Variants in BRINP2 observed in about 807,000 individuals in gnomAD.
BRINP2 encodes the protein BMP/retinoic acid-inducible neural-specific protein 2.
BRINP2 carries 21 observed loss-of-function variants against 69.2 expected under a neutral mutation model. That is an observed-to-expected ratio of 0.30 (90% confidence interval 0.22 to 0.44). BRINP2 has a LOEUF of 0.44. Ranked by LOEUF, BRINP2 falls within the 20% of genes least tolerant of loss-of-function variation. The probability of loss-of-function intolerance (pLI) is 1.00; values close to 1 mark genes in which losing one functional copy is unlikely to be tolerated. For missense variants in BRINP2, 877 were observed against 986.0 expected (o/e 0.89, Z 1.48); for synonymous variants, 380 against 394.1 (o/e 0.96, Z 0.42).
At position 177,176,652 on chromosome 1, in the gene BRINP2, G is replaced by C. The variant is rs536319206; in HGVS notation, c.-77+4920G>C. 2.6e-5 allele frequency among the ~76,000 whole-genome samples: 4 copies of C among 151,978 alleles called. No homozygotes were observed. In the South Asian group the frequency reaches 6.2e-4, roughly 24 times the overall value. On this transcript the variant is annotated intron_variant, in intron 1 of 7. Coordinates refer to ENST00000361539, the MANE Select transcript of BRINP2 (RefSeq NM_021165.4). ...AGGAGGAGTTGGTGACATAAAAAGA[G>C]AAAGAACATGGAGGGAGGGGTCAGG...
rs137909419 is a variant in BRINP2 at position 177,273,364 on chromosome 1, G to A, written c.670-124G>A. 8.7e-4 allele frequency: 465 copies of A among 537,224 alleles called. 1 individual carries two copies. Among genetic ancestry groups the A allele is most frequent in the African/African-American group, 4.9e-3 (249 of 51,298 alleles). The allele number at this position is 537,224 out of a possible 1,614,324, so 33.3% of individuals were successfully genotyped here. ...ATACCTCTGGAGTACGAAAAGGGAC[G>A]TATCACTTCTACAGCTGGTCAAGGA... On this transcript the variant is annotated intron_variant, in intron 4 of 7. Transcript: ENST00000361539.
intron 1 of BRINP2, among the ~76,000 whole-genome samples, chr1:177,200,244 A>G (rs942551240): frequency 2.4e-5 from 3 of 125,838 alleles, no homozygotes; most frequent in Non-Finnish European, 4.8e-5. Flanking sequence ...GTGAGCTGAG[A>G]TTGCGCCCTT....
rs116235253 is a variant in BRINP2, at chr1:177,185,037, C to T, written c.-77+13305C>T. On this transcript the variant is annotated intron_variant, in intron 1 of 7. Transcript: ENST00000361539. ...TTTAACAAGCAGATGATATACAGACCGCATTTTGAGAAATACCATTTTAAG... is the reference window on the plus strand; with the variant it reads ...TTTAACAAGCAGATGATATACAGACTGCATTTTGAGAAATACCATTTTAAG... Among the ~76,000 whole-genome samples, 584 of 152,072 alleles carry T rather than the reference C, an allele frequency of 3.8e-3. 4 individuals carry two copies. The highest frequency in any genetic ancestry group is 0.013 in the African/African-American group (558 of 41,476).
In BRINP2 at chr1:177,280,746, C is replaced by T. The variant is rs763946593; in HGVS notation, c.1570C>T (p.Arg524Cys). ...LKYLLQKQDS[R>C]IEVHSIFISN... Reference sequence around the variant, plus strand: ...GTACCTGCTGCAGAAGCAGGATAGCCGCATTGAGGTACACTCCATCTTCAT... The same window carrying T: ...GTACCTGCTGCAGAAGCAGGATAGCTGCATTGAGGTACACTCCATCTTCAT... The change falls in exon 8 of 8, where the codon CGC becomes TGC. Residue 524 changes from arginine (R) to cysteine (C), a missense_variant. Physicochemically the swap from Arg to Cys is radical, Grantham distance 180. This residue lies in a region of BRINP2 where 86 missense variants were observed against 142.1 expected (regional missense o/e 0.61). Transcript: ENST00000361539. The T allele has an allele frequency of 1.2e-5, 20 of 1,614,080 alleles. No homozygotes were observed. Among genetic ancestry groups the T allele is most frequent in the Non-Finnish European group, 1.6e-5 (19 of 1,180,042 alleles).
intron 1 of BRINP2, among the ~76,000 whole-genome samples, chr1:177,204,578 G>T (rs1256199888): frequency 6.6e-6 from 1 of 152,108 alleles, no homozygotes; most frequent in Admixed American, 6.6e-5. Flanking sequence ...ATGCAAGTGG[G>T]CTGGTAACAC....
At chr1:177,259,084 A>G (rs1363880718) in intron 4 of BRINP2, among the ~76,000 whole-genome samples, 1 of 152,222 alleles carries the variant, frequency 6.6e-6, no homozygotes, top group African/African-American at 2.4e-5. Flanking sequence ...TGCAACAAAC[A>G]GTTAGCCAAG....
intron 2 of BRINP2, among the ~76,000 whole-genome samples, chr1:177,249,834 G>C (rs1318788136): frequency 6.6e-6 from 1 of 152,138 alleles, no homozygotes; most frequent in Non-Finnish European, 1.5e-5. Context: ...ATTAAGTTCT[G>C]TAAGCACATT....
chr1:177,175,017 C>A (rs1464370108), intron 1 of BRINP2, among the ~76,000 whole-genome samples: 1 of 152,172 alleles, frequency 6.6e-6, no homozygotes, highest in African/African-American at 2.4e-5. Flanking sequence ...AGAACACACA[C>A]ACAACTTCTC....
intron 4 of BRINP2, among the ~76,000 whole-genome samples, chr1:177,261,251 T>C (rs1650938723): frequency 6.6e-6 from 1 of 151,644 alleles, no homozygotes; most frequent in African/African-American, 2.4e-5. Context: ...GCCTTACTGA[T>C]TAGGAAGTAG....
At chr1:177,274,395 C>A (rs995278824) in intron 5 of BRINP2, among the ~76,000 whole-genome samples, 23 of 152,140 alleles carry the variant, frequency 1.5e-4, no homozygotes, top group Admixed American at 3.3e-4. Context: ...AAATCAATAA[C>A]CCTCACTCAG....
chr1:177,209,000 A>C (rs1404449644), intron 1 of BRINP2, among the ~76,000 whole-genome samples: 1 of 152,076 alleles, frequency 6.6e-6, no homozygotes, highest in Admixed American at 6.5e-5. Flanking sequence ...CATCACCAAG[A>C]GTGAGGCTTG....
chr1:177,185,750 A>G (rs1249757753), intron 1 of BRINP2, among the ~76,000 whole-genome samples: 2 of 152,188 alleles, frequency 1.3e-5, no homozygotes, highest in African/African-American at 4.8e-5. Context: ...AAAGGTAGGA[A>G]GTGACACAGT....
intron 1 of BRINP2, among the ~76,000 whole-genome samples, chr1:177,187,981 A>G (rs1648477364): frequency 6.6e-6 from 1 of 152,130 alleles, no homozygotes; most frequent in African/African-American, 2.4e-5. Flanking sequence ...AAAGATTTAA[A>G]TTTTCTGAGC....
intron 6 of BRINP2, 43 bp from the exon 7 acceptor site, chr1:177,278,520 G>A (rs955608403): frequency 6.3e-7 from 1 of 1,593,324 alleles, no homozygotes; most frequent in Admixed American, 1.7e-5. Flanking sequence ...CCAGAGTTCT[G>A]CATAGCTACC....
chr1:177,227,127 A>T (rs1030006818), intron 1 of BRINP2, among the ~76,000 whole-genome samples: 1 of 152,144 alleles, frequency 6.6e-6, no homozygotes. Context: ...ACATCCCATC[A>T]TACTCACAGG....
At chr1:177,188,411 A>T (rs988594598) in intron 1 of BRINP2, among the ~76,000 whole-genome samples, 7 of 152,322 alleles carry the variant, frequency 4.6e-5, no homozygotes, top group African/African-American at 1.4e-4. Flanking sequence ...ATAATTAATG[A>T]GTTGTATTTG....
intron 2 of BRINP2, among the ~76,000 whole-genome samples, chr1:177,236,475 A>C (rs1373668273): frequency 1.3e-5 from 2 of 152,246 alleles, no homozygotes; most frequent in Non-Finnish European, 2.9e-5. Context: ...ATATATAGAG[A>C]CATAGTCATT....
At chr1:177,199,132 C>A (rs941472589) in intron 1 of BRINP2, among the ~76,000 whole-genome samples, 1 of 152,136 alleles carries the variant, frequency 6.6e-6, no homozygotes, top group Non-Finnish European at 1.5e-5. Flanking sequence ...GATCTTTGAC[C>A]TATTTTAAGA....
intron 4 of BRINP2, among the ~76,000 whole-genome samples, chr1:177,263,150 G>C (rs1218882317): frequency 2.0e-5 from 3 of 152,200 alleles, no homozygotes; most frequent in Non-Finnish European, 4.4e-5. Flanking sequence ...TGAAAAGTTG[G>C]TCAGGTATAA....
Sources: gnomAD v4.1 joint callset for allele counts (sites outside exome capture counted in the v4.1 genomes callset) on GRCh38, gnomAD v4.1.1 for gene constraint, gnomAD v4.1.1 regional missense constraint, MANE v1.5 for transcripts, NCBI Gene and HGNC (gene_info 2026-07-23, HGNC 2026-07-21) for gene names.